The following ITGA10 variants were observed in gnomAD, a reference collection of about 807,000 sequenced individuals.
ITGA10 encodes the protein integrin subunit alpha 10.
ITGA10 carries 105 observed loss-of-function variants against 145.2 expected under a neutral mutation model. That is an observed-to-expected ratio of 0.72 (90% CI 0.62 to 0.85). The LOEUF is 0.85. ITGA10 is among the 40% of genes least tolerant of loss of function. ITGA10 has a pLI of 0.00. For missense variants in ITGA10, 1,317 were observed against 1,444.5 expected, an observed-to-expected ratio of 0.91 and a Z score of 1.43; for synonymous variants, 506 against 557.8, an observed-to-expected ratio of 0.91 and a Z score of 1.31.
chr1:145,906,678 C>CTTT, intron 4 of ITGA10, 55 bp downstream of exon 4: 1 of 1,465,922 alleles, frequency 6.8e-7, no homozygotes, highest in Non-Finnish European at 9.5e-7. Flanking sequence ...CCACACTTCT[C>CTTT]TTTTTTCTTT....
Position 145,901,215 on chromosome 1 carries a change from C to T in ITGA10, c.1507G>A (p.Val503Ile), listed in dbSNP as rs372429851. The change falls in exon 13 of 30, where the codon GTC (valine) becomes ATC (isoleucine). Residue 503 changes from valine to isoleucine, a missense_variant. By Grantham distance (29) the Val-to-Ile change is conservative. Transcript: ENST00000369304. The surrounding 1 kb of genome is among the most constrained non-coding windows in gnomAD (Gnocchi z 4.3). Reference sequence around the variant, plus strand: ...AACATGGGGGCAGCCACAAGTAAGACATCAGTTGTTCCATCCCTATCTGTA... The same window carrying T: ...AACATGGGGGCAGCCACAAGTAAGATATCAGTTGTTCCATCCCTATCTGTA... ...LDTDRDGTTD[V>I]LLVAAPMFLG... 64 of 1,613,984 alleles carry T rather than the reference C, an allele frequency of 4.0e-5. No individual in the cohort carries two copies. Among genetic ancestry groups the T allele is most frequent in the Non-Finnish European group, 5.3e-5 (62 of 1,180,034 alleles).
chr1:145,904,849 G>A, intron 5 of ITGA10, 38 bp from the exon 6 acceptor site: 2 of 1,599,872 alleles, frequency 1.3e-6, no homozygotes, highest in Non-Finnish European at 1.7e-6. Flanking sequence ...AGGACACTGA[G>A]CTGGGGGCAA....
At chr1:145,902,076 A>G (rs56335424) in intron 10 of ITGA10, 55 bp from the exon 11 acceptor site, 528,984 of 1,605,028 alleles carry the variant, frequency 0.33, 92,643 homozygotes, top group Non-Finnish European at 0.36. Flanking sequence ...ATAAAGAGAA[A>G]AAAAACGTTC....
In ITGA10 at chr1:145,892,547, C is replaced by G. The variant is rs1406628231; in HGVS notation, c.*251G>C. 6 of 408,802 alleles carry G rather than the reference C, an allele frequency of 1.5e-5. No homozygotes were observed. Among genetic ancestry groups the G allele is most frequent in the Non-Finnish European group, 2.6e-5 (6 of 229,776 alleles). 25.3% of individuals were successfully genotyped at this position (408,802 alleles called of 1,614,324 possible). A position where few individuals can be genotyped will look rare whatever the true frequency, so the allele number is the denominator to read the frequency against. On this transcript the variant is annotated 3_prime_UTR_variant, in exon 30 of 30. Transcript: ENST00000369304. ...AAAAGCCCCAGTGTTGGCTATGGAACCAGGATCACGAGGAGGAGGGAAGCA... is the reference window on the plus strand; with the variant it reads ...AAAAGCCCCAGTGTTGGCTATGGAAGCAGGATCACGAGGAGGAGGGAAGCA...
intron 25 of ITGA10, 75 bp from the exon 26 acceptor site, chr1:145,895,786 C>T: frequency 7.5e-7 from 1 of 1,336,140 alleles, no homozygotes; most frequent in East Asian, 2.3e-5. Context: ...TGGAACATAC[C>T]TACACCCTTG....
At chr1:145,897,431 G>C in intron 20 of ITGA10, 81 bp downstream of exon 20, 1 of 1,594,854 alleles carries the variant, frequency 6.3e-7, no homozygotes, top group Non-Finnish European at 8.6e-7. Flanking sequence ...TTCTCTAGAG[G>C]ACCTCACAGC....
At position 145,900,162 on chromosome 1, in the gene ITGA10, T is replaced by C. The variant is rs146439847; in HGVS notation, c.1817A>G (p.His606Arg). ...ACTTCGGCCAAAGTAGCTGAGGGCA[T>C]GTGGCATGGAGGCAGCAGCAATCCT... ...AQRIAAASMP[H>R]ALSYFGRSVD... Residue 606 changes from histidine (H) to arginine (R), a missense_variant, in exon 15 of 30, where the codon CAT becomes CGT. His to Arg is a conservative substitution (Grantham distance 29, BLOSUM62 0). Coordinates refer to ENST00000369304, the MANE Select transcript of ITGA10 (RefSeq NM_003637.5). 7 of 1,613,864 alleles carry C rather than the reference T, an allele frequency of 4.3e-6. No individual in the cohort carries two copies. Among genetic ancestry groups the C allele is most frequent in the Non-Finnish European group, 5.9e-6 (7 of 1,179,836 alleles).
At chr1:145,907,759 C>CTTTTTTTTTTT (rs72047208) in intron 1 of ITGA10, 1 of 68,434 alleles carries the variant, frequency 1.5e-5, no homozygotes, top group Non-Finnish European at 2.6e-5. Flanking sequence ...GGTCAAGTTA[C>CTTTTTTTTTTT]TTTTTTTTTT....
chr1:145,907,457 A>T lies in ITGA10; in HGVS notation c.61T>A (p.Ser21Thr). 1 of 1,613,972 alleles carries T rather than the reference A, an allele frequency of 6.2e-7. No homozygotes were observed. The highest frequency in any genetic ancestry group is 8.5e-7 in the Non-Finnish European group (1 of 1,179,998). Reference sequence around the variant, plus strand: ...TGATGTTCATCCAGGTTAAAGGGGGAGCAGAGACCTGTGGGGTCAGGATCA... The same window carrying T: ...TGATGTTCATCCAGGTTAAAGGGGGTGCAGAGACCTGTGGGGTCAGGATCA... Reference protein sequence around the residue: ...LPLVFLTGLCSPFNLDEHHPR... With the variant: ...LPLVFLTGLCTPFNLDEHHPR... The change falls in exon 2 of 30, where the codon TCC becomes ACC. Residue 21 changes from serine to threonine, a missense_variant. Physicochemically the swap from Ser to Thr is moderately conservative, Grantham distance 58. Coordinates refer to ENST00000369304, the MANE Select transcript of ITGA10 (RefSeq NM_003637.5).
rs894749073 is a variant in ITGA10, at chr1:145,904,911, A to G, written c.482-100T>C. ...CATTCAATTTAGACATTTATAAGGC[A>G]CTTCTTACATGCAAAGAAGGTACTG... On this transcript the variant is annotated intron_variant, in intron 5 of 29. Transcript: ENST00000369304. 15 of 1,261,302 alleles carry G rather than the reference A, an allele frequency of 1.2e-5. No individual in the cohort carries two copies. In the African/African-American group the frequency reaches 2.1e-4, roughly 17 times the overall value. 78.1% of individuals were successfully genotyped at this position (1,261,302 alleles called of 1,614,324 possible). A position where few individuals can be genotyped will look rare whatever the true frequency, so the allele number is the denominator to read the frequency against.
chr1:145,896,353 CTG>C lies in ITGA10; in HGVS notation c.2835-3_2835-2del, dbSNP rs587614056. 469 of 1,612,316 alleles carry C rather than the reference CTG, an allele frequency of 2.9e-4. 3 individuals are homozygous for C. The East Asian group carries it at 8.1e-3, about 28-fold the overall frequency. ...CTCATAGCGGTGCAGGGTAGACTCA[CTG>C]TGTGAACACCAAGTCAGGAAGTACA... On this transcript the variant is annotated splice_acceptor_variant and splice_polypyrimidine_tract_variant and intron_variant, in intron 23 of 29. Coordinates refer to ENST00000369304, the MANE Select transcript of ITGA10 (RefSeq NM_003637.5). LOFTEE classifies it high-confidence loss of function.
At position 145,892,184 on chromosome 1, in the gene ITGA10, T is replaced by C. The variant is rs1205184614; in HGVS notation, c.*614A>G. The C allele has an allele frequency of 1.3e-5, 2 of 152,802 alleles. No individual in the cohort carries two copies. The highest frequency in any genetic ancestry group is 4.8e-5 in the African/African-American group (2 of 41,456). The allele number at this position is 152,802 out of a possible 1,614,324, so 9.5% of individuals were successfully genotyped here. A position where few individuals can be genotyped will look rare whatever the true frequency, so the allele number is the denominator to read the frequency against. On this transcript the variant is annotated 3_prime_UTR_variant, in exon 30 of 30. Transcript: ENST00000369304. ...TCTCAGGTTTCAGGGGGGATGGCAG[T>C]TGCCTGTCTAAAGGCTTCTCTGTTC...
At chr1:145,907,915 C>T (rs1311943726) in intron 1 of ITGA10, among the ~76,000 whole-genome samples, 1 of 151,652 alleles carries the variant, frequency 6.6e-6, no homozygotes, top group Non-Finnish European at 1.5e-5. Flanking sequence ...GCACTACAGG[C>T]GCCTGCCACC....
intron 1 of ITGA10, among the ~76,000 whole-genome samples, chr1:145,909,092 C>T (rs1367581101): frequency 6.6e-6 from 1 of 151,626 alleles, no homozygotes; most frequent in Non-Finnish European, 1.5e-5. Context: ...TGCTTGAGTC[C>T]AGGAGTTAAA....
At chr1:145,896,728 C>T (rs1438363148) in intron 23 of ITGA10, 41 bp downstream of exon 23, 1 of 1,497,644 alleles carries the variant, frequency 6.7e-7, no homozygotes, top group East Asian at 2.3e-5. Flanking sequence ...GGGTATGAGT[C>T]TGAGGTCAGA....
Position 145,901,719 on chromosome 1 carries a change from G to C in ITGA10, c.1295-55C>G. ...GGAAAAGAAGATGGGGTCCAGAGTAGGGGGGTTCCCTAAAGGCATAGCAGG... is the reference window on the plus strand; with the variant it reads ...GGAAAAGAAGATGGGGTCCAGAGTACGGGGGTTCCCTAAAGGCATAGCAGG... On this transcript the variant is annotated intron_variant, in intron 11 of 29. Coordinates refer to ENST00000369304, the MANE Select transcript of ITGA10 (RefSeq NM_003637.5). This position sits in a 1 kb window ranked among gnomAD's most constrained non-coding sequence, Gnocchi z 4.3. The C allele has an allele frequency of 1.3e-6, 2 of 1,537,696 alleles. No individual in the cohort carries two copies. The highest frequency in any genetic ancestry group is 1.7e-6 in the Non-Finnish European group (2 of 1,143,112).
At chr1:145,906,548 G>C in intron 4 of ITGA10, 40 bp from the exon 5 acceptor site, 1 of 1,550,780 alleles carries the variant, frequency 6.4e-7, no homozygotes, top group African/African-American at 1.4e-5. Context: ...GCTTGGGAGG[G>C]CACCCTCAGA....
intron 23 of ITGA10, 73 bp downstream of exon 23, chr1:145,896,696 G>T: frequency 2.4e-6 from 3 of 1,262,102 alleles, no homozygotes; most frequent in Non-Finnish European, 3.5e-6. Flanking sequence ...GAGGCACATG[G>T]AAGGGGAGGG....
intron 1 of ITGA10, chr1:145,907,759 CTTTTTTTTTTTTTTTTTTT>C: frequency 1.5e-5 from 1 of 68,448 alleles, no homozygotes; most frequent in East Asian, 4.6e-4. Flanking sequence ...GGTCAAGTTA[CTTTTTTTTTTTTTTTTTTT>C]TTTTTTTTTT....
Sources: allele counts gnomAD v4.1 joint callset (sites outside exome capture counted in the v4.1 genomes callset), GRCh38; gene constraint gnomAD v4.1.1; non-coding constraint Gnocchi (gnomAD v3.1); transcripts MANE v1.5; gene names NCBI Gene and HGNC (gene_info 2026-07-23, HGNC 2026-07-21).